Variants in VPS37A observed in about 807,000 individuals in gnomAD.
VPS37A encodes the protein VPS37A subunit of ESCRT-I, also known as vacuolar protein sorting-associated protein 37A.
A neutral mutation model predicts 49.8 loss-of-function variants in VPS37A; 30 were observed. That is an observed-to-expected ratio of 0.60 (90% CI 0.45 to 0.82). VPS37A has a LOEUF of 0.82. Ranked by LOEUF, VPS37A falls within the 40% of genes least tolerant of loss-of-function variation. VPS37A has a pLI of 0.00. For missense variants in VPS37A, 593 were observed against 464.4 expected (o/e 1.28, Z -2.55); for synonymous variants, 195 against 160.6 (o/e 1.21, Z -1.62).
chr8:17,268,897 G>T lies in VPS37A; in HGVS notation c.357G>T (p.Leu119=). 1.2e-6 allele frequency: 2 copies of T among 1,611,022 alleles called. No individual in the cohort carries two copies. The highest frequency in any genetic ancestry group is 1.7e-6 in the Non-Finnish European group (2 of 1,179,410). ...ATCTTGGAAAAATTATTCAGAGTCT[G>T]TTGGATGAGTTTTGGAAGAATCCTC... ...HSDLGKIIQS[L]LDEFWKNPPV... Residue 119 remains leucine (L), a synonymous_variant, in exon 4 of 12, where the codon CTG becomes CTT. Transcript: ENST00000324849.
chr8:17,252,899 C>G (rs907731159), intron 1 of VPS37A, among the ~76,000 whole-genome samples: 1 of 152,202 alleles, frequency 6.6e-6, no homozygotes, highest in Non-Finnish European at 1.5e-5. Context: ...TGTAAATGCA[C>G]TTTGAGCTCT....
intron 11 of VPS37A, among the ~76,000 whole-genome samples, chr8:17,293,115 A>G (rs781550174): frequency 2.0e-5 from 3 of 151,932 alleles, no homozygotes; most frequent in Middle Eastern, 3.2e-3. Flanking sequence ...GTCTTTTCAC[A>G]TAGTCCCATG....
intron 5 of VPS37A, among the ~76,000 whole-genome samples, chr8:17,275,747 C>A (rs1262694227): frequency 2.0e-5 from 3 of 152,164 alleles, no homozygotes; most frequent in Non-Finnish European, 2.9e-5. Flanking sequence ...CAGTGAATAT[C>A]ACCCATAGCA....
At chr8:17,279,114 C>T (rs1355285695) in intron 6 of VPS37A, among the ~76,000 whole-genome samples, 1 of 152,078 alleles carries the variant, frequency 6.6e-6, no homozygotes, top group Non-Finnish European at 1.5e-5. Context: ...CTGTGACAGC[C>T]ACACATCTGT....
intron 1 of VPS37A, chr8:17,247,754 A>G (rs1811442423): frequency 2.8e-6 from 2 of 702,522 alleles, no homozygotes; most frequent in Non-Finnish European, 5.2e-6. Flanking sequence ...ACAATTGTGA[A>G]GAGTAATCTC....
intron 1 of VPS37A, among the ~76,000 whole-genome samples, chr8:17,260,264 AC>A (rs1812851620): frequency 1.3e-5 from 2 of 152,140 alleles, no homozygotes; most frequent in Admixed American, 1.3e-4. Context: ...TTTACAAAAA[AC>A]ATATATGTAA....
chr8:17,318,554 T>G, the VPS37A span, among the ~76,000 whole-genome samples: 1 of 152,176 alleles, frequency 6.6e-6, no homozygotes, highest in Non-Finnish European at 1.5e-5. Context: ...CTGGACTCGC[T>G]CTTCCTGTGG....
chr8:17,260,137 C>G (rs1812837821), intron 1 of VPS37A, among the ~76,000 whole-genome samples: 1 of 152,182 alleles, frequency 6.6e-6, no homozygotes, highest in South Asian at 2.1e-4. Context: ...TCCTCTCTTC[C>G]TTTCTTACTA....
chr8:17,266,985 C>T lies in VPS37A; in HGVS notation c.200+1004C>T, dbSNP rs192463605. 3.9e-5 allele frequency among the ~76,000 whole-genome samples: 6 copies of T among 152,136 alleles called. No homozygotes were observed. In the East Asian group the frequency reaches 1.2e-3, roughly 30 times the overall value. On this transcript the variant is annotated intron_variant, in intron 2 of 11. Transcript: ENST00000324849. Reference sequence around the variant, plus strand: ...ACGAGGTTTCACCATGTTGGTCAGGCTGGTCTCGAACTCCTGACCTCGTGA... The same window carrying T: ...ACGAGGTTTCACCATGTTGGTCAGGTTGGTCTCGAACTCCTGACCTCGTGA...
At position 17,247,515 on chromosome 8, in the gene VPS37A, G is replaced by A. The variant is rs1330694204; in HGVS notation, c.125+146G>A. On this transcript the variant is annotated intron_variant, in intron 1 of 11. Coordinates refer to ENST00000324849, the MANE Select transcript of VPS37A (RefSeq NM_152415.3). ...TGGTTGTGGGTCACACGCTTGCTCT[G>A]CCACTCCTGCCCCCTTTTACTGTTT... 7.1e-5 allele frequency: 78 copies of A among 1,097,504 alleles called. 1 individual carries two copies. The highest frequency in any genetic ancestry group is 2.6e-4 in the Admixed American group (12 of 46,304). 68.0% of individuals were successfully genotyped at this position (1,097,504 alleles called of 1,614,324 possible).
chr8:17,304,067 A>G (rs1340814212), downstream of VPS37A, among the ~76,000 whole-genome samples: 1 of 152,208 alleles, frequency 6.6e-6, no homozygotes, highest in Non-Finnish European at 1.5e-5. Context: ...GTGATTCCAC[A>G]TTTGACTTAA....
At chr8:17,327,565 G>A in the VPS37A span, among the ~76,000 whole-genome samples, 489 of 152,248 alleles carry the variant, frequency 3.2e-3, 4 homozygotes, top group African/African-American at 0.011. Context: ...TTATAGGCAT[G>A]AGCCTCCATG....
intron 10 of VPS37A, among the ~76,000 whole-genome samples, chr8:17,286,145 T>A (rs901421497): frequency 1.3e-5 from 2 of 152,184 alleles, no homozygotes; most frequent in African/African-American, 2.4e-5. Context: ...CAAAGTATTA[T>A]CTGCTCCTTG....
the VPS37A span, among the ~76,000 whole-genome samples, chr8:17,327,778 G>T: frequency 1.3e-5 from 2 of 152,116 alleles, no homozygotes; most frequent in African/African-American, 4.8e-5. Flanking sequence ...AAATTGGGTG[G>T]CAAATGGTAC....
downstream of VPS37A, chr8:17,299,947 C>G (rs752434200): frequency 1.9e-6 from 3 of 1,613,986 alleles, no homozygotes; most frequent in African/African-American, 2.7e-5. Context: ...ACTTGGAGAC[C>G]GACAGCTCAA....
At chr8:17,318,615 G>C in the VPS37A span, among the ~76,000 whole-genome samples, 2 of 152,160 alleles carry the variant, frequency 1.3e-5, no homozygotes, top group African/African-American at 4.8e-5. Flanking sequence ...ACCGCATCAT[G>C]TCAGCTAATT....
Position 17,295,740 on chromosome 8 carries a change from C to G in VPS37A, c.*754C>G, listed in dbSNP as rs114303930. 2.3e-3 allele frequency: 353 copies of G among 152,156 alleles called. No individual in the cohort carries two copies. Among genetic ancestry groups the G allele is most frequent in the African/African-American group, 8.2e-3 (341 of 41,486 alleles). 9.4% of individuals were successfully genotyped at this position (152,156 alleles called of 1,614,324 possible). ...GTAGGTTTGTGGTTGGATAGGTTTTCTAAATTCCTAATGTTAAAAACAATC... is the reference window on the plus strand; with the variant it reads ...GTAGGTTTGTGGTTGGATAGGTTTTGTAAATTCCTAATGTTAAAAACAATC... On this transcript the variant is annotated 3_prime_UTR_variant, in exon 12 of 12. Transcript: ENST00000324849.
chr8:17,286,224 C>A, intron 10 of VPS37A, 123 bp from the exon 11 acceptor site: 1 of 728,312 alleles, frequency 1.4e-6, no homozygotes, highest in Admixed American at 2.9e-5. Context: ...TATTAGCTAT[C>A]TTCAACATTC....
the VPS37A span, among the ~76,000 whole-genome samples, chr8:17,317,042 T>A: frequency 1.3e-5 from 2 of 152,232 alleles, no homozygotes; most frequent in Non-Finnish European, 2.9e-5. Context: ...GCCAATCTTA[T>A]AATATTTCTC....
Sources: gnomAD v4.1 joint callset for allele counts (sites outside exome capture counted in the v4.1 genomes callset) on GRCh38, gnomAD v4.1.1 for gene constraint, MANE v1.5 for transcripts, NCBI Gene and HGNC (gene_info 2026-07-23, HGNC 2026-07-21) for gene names.